EYA4: variants seen among roughly 807,000 people sequenced by gnomAD.
EYA4 encodes protein phosphatase EYA4.
In EYA4, 31 loss-of-function variants were observed where a neutral mutation model predicts 87.9. That is an observed-to-expected ratio of 0.35 (90% CI 0.27 to 0.48). The LOEUF is 0.48. EYA4 is among the 20% of genes least tolerant of loss of function. EYA4 has a pLI of 0.99. For missense variants in EYA4, 678 were observed against 761.4 expected, an observed-to-expected ratio of 0.89 and a Z score of 1.29; for synonymous variants, 263 against 270.6, an observed-to-expected ratio of 0.97 and a Z score of 0.28.
rs562890393 is a variant in EYA4, at chr6:133,367,173, A to G, written c.34-15219A>G. 2.6e-5 allele frequency among the ~76,000 whole-genome samples: 4 copies of G among 152,274 alleles called. No homozygotes were observed. In the South Asian group the frequency reaches 8.3e-4, roughly 32 times the overall value. On this transcript the variant is annotated intron_variant, in intron 2 of 19. Coordinates refer to ENST00000355286, the MANE Select transcript of EYA4 (RefSeq NM_004100.5). ...CTGGATCCTTGGGTCTTCTTCCTAT[A>G]TCCGTGCAACTGAGGCTACTGTGTT...
intron 2 of EYA4, among the ~76,000 whole-genome samples, chr6:133,346,483 T>C (rs1159653166): frequency 6.6e-6 from 1 of 152,224 alleles, no homozygotes; most frequent in Non-Finnish European, 1.5e-5. Flanking sequence ...AGAAAGTTTA[T>C]TATCTTTAAA....
At chr6:133,292,237 T>C (rs1320423061) in intron 2 of EYA4, among the ~76,000 whole-genome samples, 2 of 152,244 alleles carry the variant, frequency 1.3e-5, no homozygotes, top group African/African-American at 4.8e-5. Context: ...AAGTCAGGAA[T>C]CACTCATGAT....
chr6:133,385,431 GTGTGTGTGTGA>G (rs1440333450), intron 3 of EYA4, among the ~76,000 whole-genome samples: 5 of 148,610 alleles, frequency 3.4e-5, no homozygotes, highest in African/African-American at 1.2e-4. Flanking sequence ...GTGTGTGTGT[GTGTGTGTGTGA>G]GAGAGAGAGA....
intron 5 of EYA4, 78 bp downstream of exon 5, chr6:133,448,257 T>C: frequency 9.7e-7 from 1 of 1,029,442 alleles, no homozygotes; most frequent in Admixed American, 1.7e-5. Context: ...TTGCTATGTC[T>C]ATGTTTGCAT....
chr6:133,362,048 T>A (rs1401918033), intron 2 of EYA4, among the ~76,000 whole-genome samples: 1 of 152,200 alleles, frequency 6.6e-6, no homozygotes, highest in East Asian at 1.9e-4. Flanking sequence ...GTAACCACTA[T>A]AGGTAGAAAC....
intron 3 of EYA4, among the ~76,000 whole-genome samples, chr6:133,383,007 C>T (rs1786366153): frequency 6.6e-6 from 1 of 151,940 alleles, no homozygotes. Flanking sequence ...AGATGCCCAA[C>T]AGATTTTTTT....
intron 2 of EYA4, among the ~76,000 whole-genome samples, chr6:133,371,997 G>A (rs1785301488): frequency 6.6e-6 from 1 of 152,076 alleles, no homozygotes; most frequent in African/African-American, 2.4e-5. Context: ...TAACCCTTGA[G>A]CATTCCTGCT....
At chr6:133,381,766 CT>C (rs1368301445) in intron 2 of EYA4, among the ~76,000 whole-genome samples, 1 of 152,162 alleles carries the variant, frequency 6.6e-6, no homozygotes, top group Non-Finnish European at 1.5e-5. Context: ...GTACCACATA[CT>C]TTTGTCCAGA....
At chr6:133,506,338 T>C (rs1798619126) in intron 14 of EYA4, 143 bp downstream of exon 14, 3 of 593,134 alleles carry the variant, frequency 5.1e-6, no homozygotes, top group Admixed American at 2.9e-5. Flanking sequence ...GAGGAAAAAT[T>C]GTATATACAA....
chr6:133,487,481 C>T (rs902743373), intron 13 of EYA4, among the ~76,000 whole-genome samples: 22 of 152,168 alleles, frequency 1.4e-4, no homozygotes, highest in African/African-American at 5.3e-4. Context: ...CTTCCTTCCA[C>T]TTGAGGGAGG....
At chr6:133,396,619 C>G (rs1029102490) in intron 3 of EYA4, among the ~76,000 whole-genome samples, 9 of 152,066 alleles carry the variant, frequency 5.9e-5, no homozygotes, top group African/African-American at 2.2e-4. Context: ...AGTTATTATC[C>G]TAGGTTTTTC....
intron 3 of EYA4, among the ~76,000 whole-genome samples, chr6:133,394,043 A>G (rs776054588): frequency 6.6e-6 from 1 of 152,170 alleles, no homozygotes; most frequent in Non-Finnish European, 1.5e-5. Context: ...CAACCTACAC[A>G]GTATTCTCAT....
At chr6:133,433,832 G>A (rs1791404233) in intron 3 of EYA4, among the ~76,000 whole-genome samples, 1 of 152,184 alleles carries the variant, frequency 6.6e-6, no homozygotes, top group African/African-American at 2.4e-5. Flanking sequence ...CTGTTCACTC[G>A]GGTCCCAAAT....
In EYA4 at chr6:133,244,535, A is replaced by T. The variant is rs75008509; in HGVS notation, c.-66+2786A>T. On this transcript the variant is annotated intron_variant, in intron 1 of 19. Transcript: ENST00000355286. ...TCTAGAAGCTGGAGAAAAAAATTGCATAGAAGTTTCTTTTTTGACGGGTGA... is the reference window on the plus strand; with the variant it reads ...TCTAGAAGCTGGAGAAAAAAATTGCTTAGAAGTTTCTTTTTTGACGGGTGA... Among the ~76,000 whole-genome samples, 370 of 151,992 alleles carry T rather than the reference A, an allele frequency of 2.4e-3. 5 individuals are homozygous for T. The East Asian group carries it at 0.041, about 17-fold the overall frequency.
chr6:133,407,143 C>T (rs1435367735), intron 3 of EYA4, among the ~76,000 whole-genome samples: 3 of 151,854 alleles, frequency 2.0e-5, no homozygotes, highest in African/African-American at 4.8e-5. Flanking sequence ...TAATTAAACT[C>T]CTTACATTGG....
At chr6:133,311,763 A>T (rs1191798257) in intron 2 of EYA4, among the ~76,000 whole-genome samples, 1 of 152,180 alleles carries the variant, frequency 6.6e-6, no homozygotes, top group Admixed American at 6.5e-5. Context: ...CTCCACGAGG[A>T]CATTCATTAT....
chr6:133,296,075 C>T (rs1016333495), intron 2 of EYA4, among the ~76,000 whole-genome samples: 1 of 152,112 alleles, frequency 6.6e-6, no homozygotes, highest in Non-Finnish European at 1.5e-5. Context: ...GACATTTGAG[C>T]ACAGGCCTGA....
intron 2 of EYA4, among the ~76,000 whole-genome samples, chr6:133,356,152 C>T (rs1419499220): frequency 1.3e-5 from 2 of 152,120 alleles, no homozygotes; most frequent in Non-Finnish European, 2.9e-5. Context: ...GATGACCCTG[C>T]TCCTCATGAC....
At chr6:133,387,765 T>C (rs1431447550) in intron 3 of EYA4, among the ~76,000 whole-genome samples, 5 of 152,192 alleles carry the variant, frequency 3.3e-5, no homozygotes, top group Non-Finnish European at 7.3e-5. Flanking sequence ...CTGAGTCATA[T>C]TATAGCTTAA....
Sources: allele counts gnomAD v4.1 joint callset (sites outside exome capture counted in the v4.1 genomes callset), GRCh38; gene constraint gnomAD v4.1.1; transcripts MANE v1.5; gene names NCBI Gene and HGNC (gene_info 2026-07-23, HGNC 2026-07-21).